The following UNC79 variants were observed in gnomAD, a reference collection of about 807,000 sequenced individuals.
UNC79 encodes protein unc-79 homolog.
UNC79 carries 37 observed loss-of-function variants against 283.1 expected under a neutral mutation model. That is an observed-to-expected ratio of 0.13 (90% CI 0.10 to 0.17). The LOEUF (loss-of-function observed/expected upper bound fraction) is 0.17, where lower values mean the gene tolerates loss of function less well. Among genes scored for constraint, UNC79 ranks in the 10% least tolerant of loss-of-function variants. The pLI is 1.00. For synonymous variants in UNC79, 1,107 were observed against 1,200.2 expected, an observed-to-expected ratio of 0.92 and a Z score of 1.61; for missense variants, 2,272 against 3,211.1, an observed-to-expected ratio of 0.71 and a Z score of 7.07.
chr14:93,395,125 G>A (rs1394614621), intron 1 of UNC79, among the ~76,000 whole-genome samples: 3 of 151,870 alleles, frequency 2.0e-5, no homozygotes, highest in Admixed American at 6.6e-5. Flanking sequence ...TCTCCTTGTC[G>A]ATTTCAGTTA....
At chr14:93,601,688 C>T (rs1287761287) in intron 25 of UNC79, among the ~76,000 whole-genome samples, 1 of 152,142 alleles carries the variant, frequency 6.6e-6, no homozygotes, top group Non-Finnish European at 1.5e-5. Flanking sequence ...TACTGTTTTC[C>T]AAAGTGATTG....
intron 30 of UNC79, among the ~76,000 whole-genome samples, chr14:93,624,312 G>GA (rs1213009715): frequency 3.9e-5 from 6 of 151,974 alleles, no homozygotes; most frequent in Admixed American, 6.5e-5. Context: ...GCCAGGCAGG[G>GA]AAAAAACGGT....
chr14:93,583,503 T>A (rs535621452), intron 20 of UNC79, among the ~76,000 whole-genome samples: 2 of 152,272 alleles, frequency 1.3e-5, no homozygotes, highest in African/African-American at 4.8e-5. Flanking sequence ...TACTAAATCT[T>A]CGGTCAGAAC....
rs183125357 is a variant in UNC79 at position 93,493,737 on chromosome 14, C to T, written c.713-2674C>T. Among the ~76,000 whole-genome samples, 260 of 151,634 alleles carry T rather than the reference C, an allele frequency of 1.7e-3. 1 individual carries two copies. Among genetic ancestry groups the T allele is most frequent in the Non-Finnish European group, 3.1e-3 (212 of 67,926 alleles). On this transcript the variant is annotated intron_variant, in intron 5 of 48. Coordinates refer to ENST00000555664, the Ensembl canonical transcript of UNC79. ...AAAGAAGTGTCATTGAGTCATGGTT[C>T]TGTAGGCTGTACAGGAAGCATAGTG... is the stretch of plus-strand genomic sequence containing the variant.
chr14:93,617,904 A>C lies in UNC79; in HGVS notation c.4225-288A>C, dbSNP rs2066844691. 6.6e-6 allele frequency among the ~76,000 whole-genome samples: 1 copy of C among 152,126 alleles called. No homozygotes were observed. Among genetic ancestry groups the C allele is most frequent in the Non-Finnish European group, 1.5e-5 (1 of 68,026 alleles). On this transcript the variant is annotated intron_variant, in intron 28 of 48. Transcript: ENST00000555664. This position sits in a 1 kb window ranked among gnomAD's most constrained non-coding sequence, Gnocchi z 4.5. ...CAAAAAATTAGCCAAGCATGGTTGC[A>C]CGTGCCTGGTCCCACCTACTTGGGA...
At chr14:93,532,471 A>G in intron 10 of UNC79, 79 bp from the exon 11 acceptor site, 1 of 1,511,888 alleles carries the variant, frequency 6.6e-7, no homozygotes, top group Non-Finnish European at 9.0e-7. Flanking sequence ...CACTGTCTCA[A>G]AAAATAAATT....
chr14:93,425,537 A>T (rs2055707414), upstream of UNC79, among the ~76,000 whole-genome samples: 1 of 152,192 alleles, frequency 6.6e-6, no homozygotes, highest in South Asian at 2.1e-4. Flanking sequence ...GTACAAACAT[A>T]CCTGTGGTCC....
Position 93,553,467 on chromosome 14 carries a change from T to C in UNC79, c.1755+10771T>C, listed in dbSNP as rs192187255. On this transcript the variant is annotated intron_variant, in intron 14 of 48. Transcript: ENST00000555664. The stretch of plus-strand genomic sequence containing the variant: ...CTCAGTCTCCAGGTTGTCAGAGACC[T>C]GCATCCAAGAGTATCCATGAGAGTC... Among the ~76,000 whole-genome samples, 1,145 of 152,320 alleles carry C rather than the reference T, an allele frequency of 7.5e-3. 13 individuals carry two copies. The highest frequency in any genetic ancestry group is 0.044 in the Middle Eastern group (13 of 294).
intron 1 of UNC79, among the ~76,000 whole-genome samples, chr14:93,400,404 C>A (rs923488435): frequency 6.6e-6 from 1 of 151,106 alleles, no homozygotes; most frequent in African/African-American, 2.5e-5. Flanking sequence ...GACCCCCATC[C>A]CCGAAGAGCT....
chr14:93,471,017 C>G (rs2057471667), intron 2 of UNC79, among the ~76,000 whole-genome samples: 1 of 152,134 alleles, frequency 6.6e-6, no homozygotes, highest in Non-Finnish European at 1.5e-5. Context: ...GTTTAGGCTG[C>G]TAGCATGTAA....
At chr14:93,510,060 C>G (rs1195437547) in intron 7 of UNC79, among the ~76,000 whole-genome samples, 1 of 152,218 alleles carries the variant, frequency 6.6e-6, no homozygotes, top group Non-Finnish European at 1.5e-5. Flanking sequence ...CACATGGAAG[C>G]CACAGAGGAT....
At chr14:93,544,416 C>G (rs527786007) in intron 14 of UNC79, among the ~76,000 whole-genome samples, 20 of 152,278 alleles carry the variant, frequency 1.3e-4, no homozygotes, top group Non-Finnish European at 2.1e-4. Flanking sequence ...CAGCTGAATC[C>G]ACAGGAAACT....
intron 8 of UNC79, among the ~76,000 whole-genome samples, chr14:93,524,410 G>T (rs981561312): frequency 6.6e-6 from 1 of 152,180 alleles, no homozygotes. Context: ...GAGTGCTTAT[G>T]CAAATTCAGG....
intron 3 of UNC79, among the ~76,000 whole-genome samples, chr14:93,477,113 G>T (rs531159478): frequency 6.6e-6 from 1 of 152,232 alleles, no homozygotes; most frequent in South Asian, 2.1e-4. Flanking sequence ...ATTGCTGCTC[G>T]GCTGAAGGTT....
chr14:93,682,886 T>C (rs2073953351), intron 42 of UNC79, among the ~76,000 whole-genome samples, 192 bp downstream of exon 45: 1 of 152,208 alleles, frequency 6.6e-6, no homozygotes, highest in South Asian at 2.1e-4. Flanking sequence ...GTTTAACATA[T>C]AGTTTGAGGA....
At chr14:93,505,619 G>C (rs1327643761) in intron 7 of UNC79, among the ~76,000 whole-genome samples, 1 of 151,574 alleles carries the variant, frequency 6.6e-6, no homozygotes, top group Non-Finnish European at 1.5e-5. Flanking sequence ...CTTTTAATTG[G>C]AGCATTTAGC....
intron 19 of UNC79, 114 bp downstream of exon 19, chr14:93,580,490 T>G (rs2063731724): frequency 9.4e-7 from 1 of 1,069,054 alleles, no homozygotes; most frequent in African/African-American, 1.6e-5. Flanking sequence ...GGGTTATACG[T>G]GAGACTGTGT....
Position 93,646,664 on chromosome 14 carries a change from G to T in UNC79, c.6083+18G>T. On this transcript the variant is annotated intron_variant, in intron 35 of 48. Coordinates refer to ENST00000555664, the Ensembl canonical transcript of UNC79. ...GCAGAAAGGTAAGGTCCTAACGGGAGCCCAGATCTCACTTTCTTTTCTCCT... is the reference window on the plus strand; with the variant it reads ...GCAGAAAGGTAAGGTCCTAACGGGATCCCAGATCTCACTTTCTTTTCTCCT... The T allele has an allele frequency of 6.2e-7, 1 of 1,613,358 alleles. No homozygotes were observed. The highest frequency in any genetic ancestry group is 1.1e-5 in the South Asian group (1 of 91,020).
At chr14:93,650,343 G>T (rs2070113365) in intron 35 of UNC79, among the ~76,000 whole-genome samples, 1 of 151,988 alleles carries the variant, frequency 6.6e-6, no homozygotes, top group Admixed American at 6.6e-5. Flanking sequence ...GATATTGTTG[G>T]GTTACAGGAT....
Sources: allele counts gnomAD v4.1 joint callset (sites outside exome capture counted in the v4.1 genomes callset), GRCh38; gene constraint gnomAD v4.1.1; non-coding constraint Gnocchi (gnomAD v3.1); transcripts MANE v1.5; gene names NCBI Gene and HGNC (gene_info 2026-07-23, HGNC 2026-07-21).